C13orf42: variants seen among roughly 807,000 people sequenced by gnomAD.
The protein encoded by C13orf42 is uncharacterized protein C13orf42.
intron 1 of C13orf42, among the ~76,000 whole-genome samples, chr13:51,132,161 G>A (rs1009840843): frequency 7.9e-5 from 12 of 152,218 alleles, no homozygotes; most frequent in Middle Eastern, 3.4e-3. Flanking sequence ...CAGGATAAGC[G>A]GCCGGGCGCG....
chr13:51,119,167 A>G (rs537353944), intron 1 of C13orf42, among the ~76,000 whole-genome samples: 1 of 151,954 alleles, frequency 6.6e-6, no homozygotes, highest in Non-Finnish European at 1.5e-5. Flanking sequence ...CAGTATGCCC[A>G]GGTGTACAGT....
At chr13:51,132,238 C>G (rs1482237248) in intron 1 of C13orf42, among the ~76,000 whole-genome samples, 1 of 152,038 alleles carries the variant, frequency 6.6e-6, no homozygotes, top group Non-Finnish European at 1.5e-5. Context: ...GTCAGGAGAT[C>G]GAGACTATCC....
chr13:51,116,734 G>C (rs1953495205), intron 1 of C13orf42, among the ~76,000 whole-genome samples: 3 of 152,234 alleles, frequency 2.0e-5, no homozygotes, highest in African/African-American at 7.2e-5. Context: ...TTAAAATAAT[G>C]ATCATTATAT....
At chr13:51,153,621 G>GTTTTTTTTC (rs1953799932) in intron 1 of C13orf42, among the ~76,000 whole-genome samples, 1 of 82,034 alleles carries the variant, frequency 1.2e-5, no homozygotes, top group African/African-American at 4.4e-5. Context: ...CTTGCTTTCT[G>GTTTTTTTTC]TTTTTTTTCT....
At chr13:51,086,168 G>T (rs931578533) in intron 2 of C13orf42, among the ~76,000 whole-genome samples, 1 of 152,092 alleles carries the variant, frequency 6.6e-6, no homozygotes, top group African/African-American at 2.4e-5. Flanking sequence ...TTAGCCGGGC[G>T]TGGTGGTGAG....
chr13:51,095,288 A>T (rs1953220100), intron 1 of C13orf42, among the ~76,000 whole-genome samples: 1 of 145,046 alleles, frequency 6.9e-6, no homozygotes, highest in South Asian at 2.3e-4. Context: ...ATTATGATAT[A>T]TGTAGGTTTT....
chr13:51,088,901 G>A (rs113258993), intron 1 of C13orf42, among the ~76,000 whole-genome samples: 9 of 152,220 alleles, frequency 5.9e-5, no homozygotes, highest in South Asian at 2.1e-4. Flanking sequence ...CAACAATCCC[G>A]TCATGAGTGA....
chr13:51,150,520 G>A (rs1322264051), intron 1 of C13orf42, among the ~76,000 whole-genome samples: 1 of 152,134 alleles, frequency 6.6e-6, no homozygotes, highest in African/African-American at 2.4e-5. Flanking sequence ...TATATATTCA[G>A]CCCAAATTTG....
chr13:51,108,775 T>C (rs755525171), intron 1 of C13orf42, among the ~76,000 whole-genome samples: 9 of 152,250 alleles, frequency 5.9e-5, no homozygotes, highest in Non-Finnish European at 1.0e-4. Context: ...AATCTTGGTC[T>C]GATTGACTTC....
At chr13:51,132,136 C>CT (rs1953621999) in intron 1 of C13orf42, among the ~76,000 whole-genome samples, 1 of 152,154 alleles carries the variant, frequency 6.6e-6, no homozygotes, top group Admixed American at 6.5e-5. Context: ...TTGTTGTACT[C>CT]TTTGTGTAGA....
intron 1 of C13orf42, among the ~76,000 whole-genome samples, chr13:51,153,624 T>TTTTTTTG (rs1953800459): frequency 7.0e-6 from 1 of 142,054 alleles, no homozygotes; most frequent in African/African-American, 2.7e-5. Context: ...GCTTTCTGTT[T>TTTTTTTG]TTTTTCTTTT....
At chr13:51,086,970 C>T (rs578198632) in intron 2 of C13orf42, among the ~76,000 whole-genome samples, 1 of 152,312 alleles carries the variant, frequency 6.6e-6, no homozygotes, top group South Asian at 2.1e-4. Flanking sequence ...AGAACAACAA[C>T]AACAAATCAC....
At chr13:51,167,789 C>T (rs942342044) in intron 1 of C13orf42, among the ~76,000 whole-genome samples, 3 of 152,126 alleles carry the variant, frequency 2.0e-5, no homozygotes, top group Admixed American at 6.5e-5. Flanking sequence ...TCAACTCTAG[C>T]GGTTTCTGAT....
intron 1 of C13orf42, among the ~76,000 whole-genome samples, chr13:51,156,372 C>A (rs1398332243): frequency 6.6e-6 from 1 of 152,156 alleles, no homozygotes; most frequent in Non-Finnish European, 1.5e-5. Flanking sequence ...GTGTTTTACA[C>A]AGATTAACTC....
At chr13:51,139,193 T>C (rs996784270) in intron 1 of C13orf42, among the ~76,000 whole-genome samples, 1 of 152,098 alleles carries the variant, frequency 6.6e-6, no homozygotes, top group Non-Finnish European at 1.5e-5. Context: ...CGCACACCTG[T>C]AGTCCCAGCT....
intron 1 of C13orf42, among the ~76,000 whole-genome samples, chr13:51,131,569 G>A (rs1008148441): frequency 6.6e-6 from 1 of 152,078 alleles, no homozygotes. Flanking sequence ...AAGAGGAGAG[G>A]AAGTTACTCA....
chr13:51,119,802 A>T (rs568564789), intron 1 of C13orf42, among the ~76,000 whole-genome samples: 1 of 152,276 alleles, frequency 6.6e-6, no homozygotes, highest in African/African-American at 2.4e-5. Context: ...CAGTTTGGGA[A>T]GATGAAAAGA....
At chr13:51,105,249 A>G (rs1953340366) in intron 1 of C13orf42, among the ~76,000 whole-genome samples, 1 of 152,138 alleles carries the variant, frequency 6.6e-6, no homozygotes, top group South Asian at 2.1e-4. Context: ...GCAGTTCAGG[A>G]CCACACCCTG....
upstream of C13orf42, among the ~76,000 whole-genome samples, chr13:51,112,876 C>T (rs1953448502): frequency 1.3e-5 from 2 of 152,098 alleles, no homozygotes; most frequent in African/African-American, 2.4e-5. Flanking sequence ...ATAAAGTCAC[C>T]GAGTTCCCAG....
Sources: gnomAD v4.1 joint callset for allele counts (sites outside exome capture counted in the v4.1 genomes callset) on GRCh38, gnomAD v4.1.1 for gene constraint, MANE v1.5 for transcripts, NCBI Gene and HGNC (gene_info 2026-07-23, HGNC 2026-07-21) for gene names.